GOLM1: variants seen among roughly 807,000 people sequenced by gnomAD.
The protein encoded by GOLM1 is golgi membrane protein 1, also known as epididymis luminal protein 46.
GOLM1 carries 31 observed loss-of-function variants against 50.5 expected under a neutral mutation model. The ratio of observed to expected loss-of-function variants is 0.61; its 90% confidence interval spans 0.46 to 0.83. GOLM1 has a LOEUF of 0.83. GOLM1 is among the 40% of genes least tolerant of loss of function. GOLM1 has a pLI of 0.00. For synonymous variants in GOLM1, 178 were observed against 192.8 expected, an observed-to-expected ratio of 0.92 and a Z score of 0.64; for missense variants, 491 against 501.3, an observed-to-expected ratio of 0.98 and a Z score of 0.20.
At chr9:86,082,672 C>A (rs1267282572) in intron 1 of GOLM1, among the ~76,000 whole-genome samples, 1 of 152,116 alleles carries the variant, frequency 6.6e-6, no homozygotes, top group Admixed American at 6.6e-5. Flanking sequence ...AACTCCTGGG[C>A]TCAGTGATCC....
intron 1 of GOLM1, chr9:86,080,282 C>T (rs537021529): frequency 6.6e-6 from 1 of 152,270 alleles, no homozygotes; most frequent in Admixed American, 6.5e-5. Context: ...TAATGGGCTT[C>T]AATTCAAAGC....
At chr9:86,038,047 G>C (rs902801965) in intron 6 of GOLM1, among the ~76,000 whole-genome samples, 1 of 151,892 alleles carries the variant, frequency 6.6e-6, no homozygotes. Flanking sequence ...CCAGCTACTC[G>C]GGAGGCTGAG....
intron 1 of GOLM1, chr9:86,079,619 GGGCAAGACA>G (rs1210765466): frequency 6.8e-6 from 2 of 296,134 alleles, no homozygotes; most frequent in Non-Finnish European, 1.2e-5. Context: ...TCGAGACCTG[GGGCAAGACA>G]TGATTCCTCT....
At chr9:86,060,607 C>G (rs1024291197) in intron 3 of GOLM1, among the ~76,000 whole-genome samples, 1 of 152,002 alleles carries the variant, frequency 6.6e-6, no homozygotes, top group East Asian at 1.9e-4. Flanking sequence ...ACAGGCCGGG[C>G]GCAGCAGCTC....
chr9:86,097,761 T>C (rs544796745), intron 1 of GOLM1, among the ~76,000 whole-genome samples: 1 of 152,280 alleles, frequency 6.6e-6, no homozygotes, highest in East Asian at 1.9e-4. Context: ...GCTCGCACTT[T>C]CACAGGATAA....
chr9:86,047,349 G>T (rs897943227), intron 4 of GOLM1, among the ~76,000 whole-genome samples: 2 of 152,214 alleles, frequency 1.3e-5, no homozygotes, highest in African/African-American at 4.8e-5. Flanking sequence ...TCCCCAAGGT[G>T]GGCCCTCACA....
chr9:86,082,358 C>T lies in GOLM1; in HGVS notation c.-21-3017G>A, dbSNP rs1227237726. Among the ~76,000 whole-genome samples the T allele has an allele frequency of 2.0e-5, 3 of 148,742 alleles. No homozygotes were observed. The Admixed American group carries it at 2.0e-4, about 10-fold the overall frequency. On this transcript the variant is annotated intron_variant, in intron 1 of 9. Transcript: ENST00000388712. ...TTTTAAAATATCAATACCTGGGCTC[C>T]ACCACTGCATTTCTTTTCTTTCCTT...
chr9:86,086,870 T>C (rs1234727681), intron 1 of GOLM1, among the ~76,000 whole-genome samples: 1 of 152,212 alleles, frequency 6.6e-6, no homozygotes, highest in East Asian at 1.9e-4. Flanking sequence ...GTGGTACAGT[T>C]TGAAGTCAGG....
chr9:86,054,567 T>G (rs1276369806), intron 3 of GOLM1, among the ~76,000 whole-genome samples: 1 of 152,170 alleles, frequency 6.6e-6, no homozygotes, highest in East Asian at 1.9e-4. Flanking sequence ...TAGTGTATTA[T>G]CACATTTTAG....
chr9:86,033,446 C>T (rs774142276), intron 8 of GOLM1, 51 bp from the exon 9 acceptor site: 2 of 1,115,394 alleles, frequency 1.8e-6, no homozygotes, highest in Non-Finnish European at 2.7e-6. Flanking sequence ...GTCTTGATGT[C>T]ACAGGACTAT....
intron 9 of GOLM1, among the ~76,000 whole-genome samples, chr9:86,030,872 G>C (rs1262572862): frequency 1.3e-5 from 2 of 152,180 alleles, no homozygotes; most frequent in South Asian, 2.1e-4. Context: ...TAAAAAAAAT[G>C]TAAGTATTAA....
rs1833038366 is a variant in GOLM1, at chr9:86,033,306, C to T, written c.1105G>A (p.Ala369Thr). 6.2e-7 allele frequency: 1 copy of T among 1,608,354 alleles called. No homozygotes were observed. The highest frequency in any genetic ancestry group is 8.5e-7 in the Non-Finnish European group (1 of 1,174,718). The change falls in exon 9 of 10, where the codon GCA becomes ACA. Residue 369 changes from alanine (A) to threonine (T), a missense_variant. Coordinates refer to ENST00000388712, the MANE Select transcript of GOLM1 (RefSeq NM_016548.4). ...CCATCTATGTTTCTGTCATTCCCTG[C>T]CAGGGCTGCTTGCTTGTCTGTCTCA... ...ESETDKQAALAGNDRNIDVFN... is the reference protein window; with the variant it reads ...ESETDKQAALTGNDRNIDVFN...
chr9:86,035,019 G>C (rs1198494325), intron 8 of GOLM1: 1 of 985,104 alleles, frequency 1.0e-6, no homozygotes, highest in Non-Finnish European at 1.2e-6. Flanking sequence ...AATGGCACCA[G>C]ACACTGCACG....
chr9:86,082,597 C>T (rs1185400529), intron 1 of GOLM1, among the ~76,000 whole-genome samples: 6 of 151,906 alleles, frequency 3.9e-5, no homozygotes, highest in Admixed American at 6.6e-5. Flanking sequence ...TGTGCCACCA[C>T]GCCCAGCTAA....
chr9:86,042,492 CCACA>C (rs72117192), intron 5 of GOLM1, among the ~76,000 whole-genome samples: 13,961 of 152,080 alleles, frequency 0.092, 786 homozygotes, highest in Non-Finnish European at 0.13. Context: ...TCACAATGTA[CCACA>C]CACAGAGAAG....
At chr9:86,093,105 ACACAGTGGC>A (rs1835235705) in intron 1 of GOLM1, among the ~76,000 whole-genome samples, 1 of 152,180 alleles carries the variant, frequency 6.6e-6, no homozygotes, top group Admixed American at 6.5e-5. Flanking sequence ...GGCTGGGTGT[ACACAGTGGC>A]TCATGTGTAT....
At chr9:86,049,629 G>A (rs1053119576) in intron 4 of GOLM1, among the ~76,000 whole-genome samples, 17 of 152,130 alleles carry the variant, frequency 1.1e-4, no homozygotes, top group African/African-American at 4.1e-4. Flanking sequence ...TCTCTTTGAA[G>A]CAATTGTGAA....
intron 3 of GOLM1, among the ~76,000 whole-genome samples, chr9:86,063,880 G>T (rs1185788647): frequency 1.3e-5 from 2 of 152,240 alleles, no homozygotes; most frequent in Non-Finnish European, 2.9e-5. Context: ...TAGGAACAGA[G>T]ATCAATGCAC....
intron 9 of GOLM1, among the ~76,000 whole-genome samples, chr9:86,028,188 G>A (rs1227357622): frequency 6.6e-6 from 1 of 152,156 alleles, no homozygotes; most frequent in Non-Finnish European, 1.5e-5. Flanking sequence ...TTGCCCAAAT[G>A]TTGCATTTTC....
Sources: allele counts gnomAD v4.1 joint callset (sites outside exome capture counted in the v4.1 genomes callset), GRCh38; gene constraint gnomAD v4.1.1; transcripts MANE v1.5; gene names NCBI Gene and HGNC (gene_info 2026-07-23, HGNC 2026-07-21).